The following TG variants were observed in gnomAD, a reference collection of about 807,000 sequenced individuals.
The protein encoded by TG is thyroglobulin.
In TG, 270 loss-of-function variants were observed where a neutral mutation model predicts 324.7. The ratio of observed to expected loss-of-function variants is 0.83; its 90% CI spans 0.75 to 0.92. TG has a LOEUF of 0.92. TG is among the 40% of genes least tolerant of loss of function. The probability of loss-of-function intolerance (pLI) is 0.00; values close to 1 mark genes in which losing one functional copy is unlikely to be tolerated. For missense variants in TG, 3,591 were observed against 3,456.4 expected (o/e 1.04, Z -0.98); for synonymous variants, 1,401 against 1,327.0 (o/e 1.06, Z -1.21).
chr8:133,110,452 A>G (rs2979033), intron 43 of TG, among the ~76,000 whole-genome samples: 115,401 of 152,228 alleles, frequency 0.76, 44,840 homozygotes, highest in African/African-American at 0.91. Flanking sequence ...CATATTATTT[A>G]TATGAAGGAA....
At chr8:133,107,644 G>T (rs1423374606) in intron 43 of TG, among the ~76,000 whole-genome samples, 15 of 152,294 alleles carry the variant, frequency 9.8e-5, no homozygotes, top group Non-Finnish European at 1.0e-4. Context: ...CCCCAGTGGG[G>T]CTTGGGAATT....
chr8:133,096,617 A>G (rs1848456353), intron 43 of TG, among the ~76,000 whole-genome samples: 1 of 152,152 alleles, frequency 6.6e-6, no homozygotes, highest in African/African-American at 2.4e-5. Flanking sequence ...ACTGGAGCTG[A>G]CCCAGAAGCT....
chr8:133,036,027 C>T (rs1837084407), intron 41 of TG, among the ~76,000 whole-genome samples: 1 of 152,182 alleles, frequency 6.6e-6, no homozygotes, highest in South Asian at 2.1e-4. Context: ...TCAGTCTGGC[C>T]ACCCTGCCTC....
At chr8:132,991,016 A>C (rs1211299324) in intron 35 of TG, among the ~76,000 whole-genome samples, 5 of 149,440 alleles carry the variant, frequency 3.3e-5, no homozygotes, top group Non-Finnish European at 7.4e-5. Flanking sequence ...GTTGAACCTT[A>C]GTGTTGTCTC....
intron 35 of TG, chr8:133,003,223 TAAGG>T (rs141342563): frequency 0.015 from 2,651 of 172,774 alleles, 27 homozygotes; most frequent in Middle Eastern, 0.031. Flanking sequence ...AGAAAGGAAA[TAAGG>T]AAGGAGGGAG....
At position 132,902,313 on chromosome 8, in the gene TG, C is replaced by T. The variant is rs75274608; in HGVS notation, c.3634+760C>T. Among the ~76,000 whole-genome samples the T allele has an allele frequency of 9.1e-3, 1,388 of 152,242 alleles. 40 individuals are homozygous for T. Among genetic ancestry groups the T allele is most frequent in the East Asian group, 0.087 (450 of 5,180 alleles). On this transcript the variant is annotated intron_variant, in intron 16 of 47. Transcript: ENST00000220616. ...TTTCCTTATTCTTATTTTCTAATCT[C>T]TAAGCAACATTTTGGAACTGCAGGG...
At chr8:132,958,760 C>T (rs550703547) in intron 27 of TG, among the ~76,000 whole-genome samples, 1 of 152,074 alleles carries the variant, frequency 6.6e-6, no homozygotes, top group East Asian at 1.9e-4. Flanking sequence ...GTGACAAAGT[C>T]TAAAACCCCA....
chr8:132,878,999 C>T (rs1020486557), intron 5 of TG, among the ~76,000 whole-genome samples: 1 of 152,152 alleles, frequency 6.6e-6, no homozygotes, highest in Non-Finnish European at 1.5e-5. Flanking sequence ...TGATGTGGGG[C>T]AGGAGATCTA....
At chr8:132,905,699 GAC>G (rs1339909477) in intron 16 of TG, among the ~76,000 whole-genome samples, 1 of 152,080 alleles carries the variant, frequency 6.6e-6, no homozygotes, top group Non-Finnish European at 1.5e-5. Flanking sequence ...TTTCCCTGTG[GAC>G]TCAACCCAGT....
In TG at chr8:133,017,770, C is replaced by G; in HGVS notation, c.6563-8C>G. 6.2e-7 allele frequency: 1 copy of G among 1,613,952 alleles called. No homozygotes were observed. The highest frequency in any genetic ancestry group is 8.5e-7 in the Non-Finnish European group (1 of 1,179,852). ...TTCCTCACCCCTTTCTCTTCCCTTT[C>G]CCAACAGGAATCTCTCTGCTCAGCT... On this transcript the variant is annotated splice_polypyrimidine_tract_variant and splice_region_variant and intron_variant, in intron 37 of 47. Transcript: ENST00000220616.
chr8:132,893,669 G>A lies in TG; in HGVS notation c.2762-21G>A, dbSNP rs367866251. ...GTCCACGTGGTGAGTGAGTCCATCTGTGTTATTTTTATTCCCCTAGGTCCT... is the reference window on the plus strand; with the variant it reads ...GTCCACGTGGTGAGTGAGTCCATCTATGTTATTTTTATTCCCCTAGGTCCT... On this transcript the variant is annotated intron_variant, in intron 10 of 47. Coordinates refer to ENST00000220616, the MANE Select transcript of TG (RefSeq NM_003235.5). The A allele has an allele frequency of 1.2e-5, 20 of 1,613,382 alleles. No homozygotes were observed. In the African/African-American group the frequency reaches 1.3e-4, roughly 11 times the overall value.
chr8:133,128,346 C>T (rs1187360807), intron 45 of TG, among the ~76,000 whole-genome samples: 2 of 86,622 alleles, frequency 2.3e-5, no homozygotes, highest in African/African-American at 1.3e-4. Context: ...TGCACACACA[C>T]ACACACACAC....
chr8:132,896,207 A>G (rs1817076267), intron 11 of TG, among the ~76,000 whole-genome samples: 1 of 152,234 alleles, frequency 6.6e-6, no homozygotes. Context: ...AGATGAGGAA[A>G]CTGAAGCTCA....
chr8:132,959,073 A>G (rs1215593338), intron 27 of TG, among the ~76,000 whole-genome samples: 1 of 152,274 alleles, frequency 6.6e-6, no homozygotes, highest in Non-Finnish European at 1.5e-5. Context: ...AATATTGCAC[A>G]GTCTGAGAAG....
At chr8:133,010,445 C>T (rs1834405621) in intron 35 of TG, among the ~76,000 whole-genome samples, 1 of 152,070 alleles carries the variant, frequency 6.6e-6, no homozygotes. Context: ...GGAAAAGAAG[C>T]AAGAAAACAA....
intron 45 of TG, among the ~76,000 whole-genome samples, chr8:133,125,104 G>C (rs941054605): frequency 6.6e-6 from 1 of 152,212 alleles, no homozygotes; most frequent in Non-Finnish European, 1.5e-5. Flanking sequence ...ATTTGACAGA[G>C]ATTTACCTAA....
chr8:133,001,981 T>A (rs1833556130), intron 35 of TG: 1 of 985,340 alleles, frequency 1.0e-6, no homozygotes, highest in Admixed American at 6.1e-5. Flanking sequence ...AGGGTGAGGA[T>A]CCTGAAGACT....
intron 41 of TG, among the ~76,000 whole-genome samples, chr8:133,078,076 G>A (rs908387689): frequency 4.6e-5 from 7 of 152,198 alleles, no homozygotes; most frequent in South Asian, 2.1e-4. Context: ...TCTGCAGCAC[G>A]TCTGCCTGTG....
chr8:132,908,780 T>C (rs1322004939), intron 18 of TG, among the ~76,000 whole-genome samples: 1 of 152,030 alleles, frequency 6.6e-6, no homozygotes, highest in East Asian at 1.9e-4. Flanking sequence ...GGGCCTTGCT[T>C]GAGAGGGACG....
Sources: allele counts gnomAD v4.1 joint callset (sites outside exome capture counted in the v4.1 genomes callset), GRCh38; gene constraint gnomAD v4.1.1; transcripts MANE v1.5; gene names NCBI Gene and HGNC (gene_info 2026-07-23, HGNC 2026-07-21).